GRID2: variants seen among roughly 807,000 people sequenced by gnomAD.
GRID2 encodes glutamate ionotropic receptor delta type subunit 2, also known as glutamate receptor ionotropic, delta-2.
GRID2 carries 33 observed loss-of-function variants against 114.8 expected under a neutral mutation model. The ratio of observed to expected loss-of-function variants is 0.29; its 90% confidence interval spans 0.22 to 0.38. The LOEUF is 0.38. Among genes scored for constraint, GRID2 ranks in the 10% least tolerant of loss-of-function variants. The probability of loss-of-function intolerance (pLI) is 1.00; values close to 1 mark genes in which losing one functional copy is unlikely to be tolerated. For missense variants in GRID2, 1,184 were observed against 1,257.7 expected (o/e 0.94, Z 0.89); for synonymous variants, 505 against 449.9 (o/e 1.12, Z -1.55).
At chr4:93,635,860 C>T (rs547809105) in intron 14 of GRID2, among the ~76,000 whole-genome samples, 2 of 152,110 alleles carry the variant, frequency 1.3e-5, no homozygotes, top group Non-Finnish European at 2.9e-5. Flanking sequence ...TTTATGGGCT[C>T]CATATGATTT....
intron 2 of GRID2, among the ~76,000 whole-genome samples, chr4:93,047,487 T>A (rs1726262779): frequency 6.6e-6 from 1 of 152,030 alleles, no homozygotes; most frequent in East Asian, 1.9e-4. Context: ...TAGTTGCTGA[T>A]GTACTGTTAT....
chr4:93,017,806 GA>G lies in GRID2; in HGVS notation c.245-67173del, dbSNP rs796967580. ...AGGACAGAGCAAGGCTCCTTTTCAAGAAAAAAAAAAAAAAAAGAAAAGAAAA... is the reference window on the plus strand; with the variant it reads ...AGGACAGAGCAAGGCTCCTTTTCAAGAAAAAAAAAAAAAAAGAAAAGAAAA... On this transcript the variant is annotated intron_variant, in intron 2 of 15. Transcript: ENST00000282020. Among the ~76,000 whole-genome samples the G allele has an allele frequency of 9.3e-3, 460 of 49,282 alleles. 1 individual carries two copies. Among genetic ancestry groups the G allele is most frequent in the Middle Eastern group, 0.06 (6 of 100 alleles). The allele number at this position is 49,282 out of a possible 152,430, so 32.3% of individuals were successfully genotyped here.
intron 2 of GRID2, among the ~76,000 whole-genome samples, chr4:92,918,905 G>T (rs1489347169): frequency 6.6e-6 from 1 of 152,130 alleles, no homozygotes; most frequent in Admixed American, 6.5e-5. Flanking sequence ...TCTATTGATT[G>T]TAATACTTTC....
At chr4:93,306,019 T>C (rs993756837) in intron 8 of GRID2, 1 of 152,228 alleles carries the variant, frequency 6.6e-6, no homozygotes, top group African/African-American at 2.4e-5. Context: ...AACATACACT[T>C]GTTACCTGAT....
At chr4:92,926,909 A>G (rs1406821332) in intron 2 of GRID2, among the ~76,000 whole-genome samples, 1 of 151,832 alleles carries the variant, frequency 6.6e-6, no homozygotes, top group African/African-American at 2.4e-5. Context: ...TAACCTAATC[A>G]CTTCTTAAAA....
intron 2 of GRID2, among the ~76,000 whole-genome samples, chr4:92,863,891 A>G (rs1192375997): frequency 2.6e-5 from 4 of 152,144 alleles, no homozygotes; most frequent in South Asian, 4.1e-4. Flanking sequence ...AAAAGGATTC[A>G]TCTCTCAGCT....
At chr4:92,912,404 A>G (rs545203245) in intron 2 of GRID2, among the ~76,000 whole-genome samples, 2 of 151,956 alleles carry the variant, frequency 1.3e-5, no homozygotes, top group South Asian at 2.1e-4. Flanking sequence ...CTTAGCTGCA[A>G]CACACTATTT....
rs139928240 is a variant in GRID2 at position 93,515,218 on chromosome 4, C to T, written c.2000C>T (p.Ser667Phe). 1.5e-5 allele frequency: 22 copies of T among 1,479,192 alleles called. No individual in the cohort carries two copies. Among genetic ancestry groups the T allele is most frequent in the African/African-American group, 4.2e-5 (3 of 70,902 alleles). 91.6% of individuals were successfully genotyped at this position (1,479,192 alleles called of 1,614,324 possible). The change falls in exon 13 of 16, where the codon TCT (serine) becomes TTT (phenylalanine). Residue 667 changes from serine to phenylalanine, a missense_variant and splice_region_variant. Physicochemically the swap from Ser to Phe is radical, Grantham distance 155 (BLOSUM62 -2). This residue lies in a region of GRID2 where 717 missense variants were observed against 796.9 expected (regional missense o/e 0.90). Transcript: ENST00000282020. The part of the protein sequence containing the change: ...TITRIESSIQ[S>F]LQDLSKQTEI... ...TCTCTTCTCTCCCAATAATCAAGGT[C>T]TCTCCAGGACCTTTCCAAGCAAACA...
chr4:92,878,573 G>A (rs1457562907), intron 2 of GRID2, among the ~76,000 whole-genome samples: 3 of 152,012 alleles, frequency 2.0e-5, no homozygotes, highest in Admixed American at 6.5e-5. Flanking sequence ...AGGATATACC[G>A]CTTGTTTAAG....
intron 2 of GRID2, among the ~76,000 whole-genome samples, chr4:92,663,024 A>G (rs1228720655): frequency 1.3e-5 from 2 of 151,142 alleles, no homozygotes; most frequent in Admixed American, 6.6e-5. Flanking sequence ...ATATATATTT[A>G]TCAGTCAAAC....
chr4:93,207,918 A>C (rs1742999301), intron 5 of GRID2, among the ~76,000 whole-genome samples: 1 of 152,022 alleles, frequency 6.6e-6, no homozygotes, highest in African/African-American at 2.4e-5. Flanking sequence ...AAGGAAGTAC[A>C]ACTGTTTTCA....
chr4:92,563,892 C>T (rs1362072729), intron 1 of GRID2, among the ~76,000 whole-genome samples: 2 of 152,072 alleles, frequency 1.3e-5, no homozygotes, highest in Non-Finnish European at 2.9e-5. Context: ...CATACATTAT[C>T]TACTTCCATG....
At chr4:93,331,797 C>T (rs1758490008) in intron 8 of GRID2, among the ~76,000 whole-genome samples, 1 of 152,084 alleles carries the variant, frequency 6.6e-6, no homozygotes, top group Admixed American at 6.6e-5. Context: ...CTAAAACATA[C>T]TTTACAGGGT....
intron 1 of GRID2, among the ~76,000 whole-genome samples, chr4:92,441,651 T>G (rs1232332333): frequency 1.3e-5 from 2 of 152,144 alleles, no homozygotes; most frequent in Admixed American, 6.5e-5. Flanking sequence ...AAGGCCATGC[T>G]GTAGCAGGCG....
chr4:92,683,717 G>A (rs1733764724), intron 2 of GRID2, among the ~76,000 whole-genome samples: 1 of 150,794 alleles, frequency 6.6e-6, no homozygotes, highest in South Asian at 2.1e-4. Flanking sequence ...AAAAATAAAA[G>A]GATAGAAAAA....
intron 2 of GRID2, among the ~76,000 whole-genome samples, chr4:92,873,656 A>G (rs908554742): frequency 1.3e-5 from 2 of 152,118 alleles, no homozygotes; most frequent in African/African-American, 4.8e-5. Context: ...AGAGGGAGGG[A>G]AATCTTGCTG....
chr4:92,985,589 T>A (rs928954391), intron 2 of GRID2, among the ~76,000 whole-genome samples: 1 of 152,088 alleles, frequency 6.6e-6, no homozygotes, highest in African/African-American at 2.4e-5. Context: ...CGTTCTTCTC[T>A]CCCCTCTTCT....
intron 2 of GRID2, among the ~76,000 whole-genome samples, chr4:92,700,993 C>CAAAAAAAAAAAA (rs781142253): frequency 3.6e-5 from 3 of 83,858 alleles, no homozygotes; most frequent in Admixed American, 1.2e-4. Context: ...GACTCCATCT[C>CAAAAAAAAAAAA]AAAAAAAAAA....
chr4:92,352,107 C>T (rs1272478863), intron 1 of GRID2, among the ~76,000 whole-genome samples: 3 of 151,772 alleles, frequency 2.0e-5, no homozygotes, highest in Non-Finnish European at 4.4e-5. Context: ...TGTACTAATT[C>T]CCATCAACAG....
Sources: allele counts gnomAD v4.1 joint callset (sites outside exome capture counted in the v4.1 genomes callset), GRCh38; gene constraint gnomAD v4.1.1; regional missense constraint gnomAD v4.1.1; transcripts MANE v1.5; gene names NCBI Gene and HGNC (gene_info 2026-07-23, HGNC 2026-07-21).